POLR3B: variants seen among roughly 807,000 people sequenced by gnomAD.
The protein encoded by POLR3B is DNA-directed RNA polymerase III subunit RPC2.
A neutral mutation model predicts 147.4 loss-of-function variants in POLR3B; 96 were observed. The ratio of observed to expected loss-of-function variants is 0.65; its 90% confidence interval spans 0.55 to 0.77. POLR3B has a LOEUF of 0.77. POLR3B is among the 30% of genes least tolerant of loss of function. POLR3B has a pLI of 0.00. For missense variants in POLR3B, 1,036 were observed against 1,413.5 expected (o/e 0.73, Z 4.28); for synonymous variants, 461 against 485.9 (o/e 0.95, Z 0.67).
chr12:106,493,312 AAC>A (rs2038430469), intron 23 of POLR3B, among the ~76,000 whole-genome samples: 1 of 152,216 alleles, frequency 6.6e-6, no homozygotes, highest in Admixed American at 6.5e-5. Context: ...CCCTGGAGAA[AAC>A]AGTTTTAATC....
chr12:106,480,412 C>T (rs553080218), intron 23 of POLR3B, among the ~76,000 whole-genome samples: 9 of 152,296 alleles, frequency 5.9e-5, no homozygotes, highest in African/African-American at 2.2e-4. Flanking sequence ...TTTCTAACTC[C>T]TGCCTGAAGG....
At chr12:106,476,034 C>T (rs1466800629) in intron 23 of POLR3B, among the ~76,000 whole-genome samples, 1 of 150,772 alleles carries the variant, frequency 6.6e-6, no homozygotes, top group Non-Finnish European at 1.5e-5. Context: ...TTAGCACTTC[C>T]TTGAGGAGCT....
Position 106,509,487 on chromosome 12 carries a change from TTCCAGGAACTAC to T in POLR3B, c.3341_3352del (p.Phe1114_Gln1118delinsTer). On this transcript the variant is annotated stop_gained and inframe_deletion, in exon 28 of 28. Coordinates refer to ENST00000228347, the MANE Select transcript of POLR3B (RefSeq NM_018082.6). LOFTEE classifies it high-confidence loss of function. ...TATTCCGTATGCCTGCAAGCTGCTCTTCCAGGAACTACAGTCTATGAACATCATCCCCAGGTT... is the reference window on the plus strand; with the variant it reads ...TATTCCGTATGCCTGCAAGCTGCTCTAGTCTATGAACATCATCCCCAGGTT... 1 of 1,613,562 alleles carries T rather than the reference TTCCAGGAACTAC, an allele frequency of 6.2e-7. No individual in the cohort carries two copies. The highest frequency in any genetic ancestry group is 8.5e-7 in the Non-Finnish European group (1 of 1,179,496).
At chr12:106,395,797 C>G (rs1461803309) in intron 10 of POLR3B, among the ~76,000 whole-genome samples, 1 of 151,964 alleles carries the variant, frequency 6.6e-6, no homozygotes. Flanking sequence ...TGGTGAAACC[C>G]CGCCTCTACT....
intron 11 of POLR3B, among the ~76,000 whole-genome samples, chr12:106,408,674 T>C (rs1418069044): frequency 2.6e-5 from 4 of 152,176 alleles, no homozygotes; most frequent in Non-Finnish European, 5.9e-5. Flanking sequence ...CTGGGTTCGT[T>C]TGTTAGTCCT....
At chr12:106,469,931 A>C (rs559618911) in intron 23 of POLR3B, among the ~76,000 whole-genome samples, 167 of 152,014 alleles carry the variant, frequency 1.1e-3, no homozygotes, top group Non-Finnish European at 2.1e-3. Flanking sequence ...ACATGTCTCG[A>C]GGTTGCTCTT....
chr12:106,478,605 A>G (rs2038216173), intron 23 of POLR3B, among the ~76,000 whole-genome samples: 1 of 151,970 alleles, frequency 6.6e-6, no homozygotes, highest in Non-Finnish European at 1.5e-5. Context: ...CATCAAATTT[A>G]TGTTAAAGAT....
intron 25 of POLR3B, among the ~76,000 whole-genome samples, chr12:106,498,870 G>GCCA (rs561993209): frequency 2.2e-4 from 34 of 152,342 alleles, no homozygotes; most frequent in African/African-American, 7.9e-4. Flanking sequence ...ACAGGCGTGA[G>GCCA]CCACCACGCC....
chr12:106,446,670 A>G (rs2094346732), intron 19 of POLR3B, among the ~76,000 whole-genome samples: 1 of 152,094 alleles, frequency 6.6e-6, no homozygotes, highest in African/African-American at 2.4e-5. Flanking sequence ...GGTCCTGCAC[A>G]TTTAGCTCCT....
rs77281610 is a variant in POLR3B at position 106,396,337 on chromosome 12, A to G, written c.846+3184A>G. Among the ~76,000 whole-genome samples the G allele has an allele frequency of 7.0e-3, 1,066 of 152,304 alleles. 16 individuals are homozygous for G. The highest frequency in any genetic ancestry group is 0.025 in the African/African-American group (1,025 of 41,556). ...TTCTTCAGTTACTTAGTTACTACTTACTACTAGGTCACTGCAGCAAGTGTT... is the reference window on the plus strand; with the variant it reads ...TTCTTCAGTTACTTAGTTACTACTTGCTACTAGGTCACTGCAGCAAGTGTT... On this transcript the variant is annotated intron_variant, in intron 10 of 27. Coordinates refer to ENST00000228347, the MANE Select transcript of POLR3B (RefSeq NM_018082.6).
At chr12:106,423,541 T>C (rs1194441373) in intron 12 of POLR3B, among the ~76,000 whole-genome samples, 1 of 152,260 alleles carries the variant, frequency 6.6e-6, no homozygotes, top group East Asian at 1.9e-4. Flanking sequence ...ACTCTCAGAC[T>C]GAGGCTGAAT....
chr12:106,422,016 A>G (rs921650766), intron 12 of POLR3B, among the ~76,000 whole-genome samples: 2 of 152,186 alleles, frequency 1.3e-5, no homozygotes, highest in Non-Finnish European at 2.9e-5. Flanking sequence ...ATAGTATTTT[A>G]AAGTGCTACT....
At chr12:106,474,571 A>G (rs1183844933) in intron 23 of POLR3B, among the ~76,000 whole-genome samples, 7 of 145,884 alleles carry the variant, frequency 4.8e-5, no homozygotes, top group South Asian at 2.3e-4. Flanking sequence ...CAGAGATTCA[A>G]CTTCTTCCTG....
At position 106,378,271 on chromosome 12, in the gene POLR3B, C is replaced by T. The variant is rs1422675897; in HGVS notation, c.501C>T (p.Gly167=). ...TTTCTTGTTTCCTTTGGGTAGGTGG[C>T]TACTTCATTGTTAAAGGAGTAGAAA... ...KLNECPLDPG[G]YFIVKGVEKV... The change falls in exon 8 of 28, where the codon GGC becomes GGT. Residue 167 remains glycine (G), a synonymous_variant. Coordinates refer to ENST00000228347, the MANE Select transcript of POLR3B (RefSeq NM_018082.6). The T allele has an allele frequency of 6.3e-7, 1 of 1,595,512 alleles. No individual in the cohort carries two copies. The highest frequency in any genetic ancestry group is 1.7e-5 in the Admixed American group (1 of 59,976).
rs1177471548 is a variant in POLR3B at position 106,509,425 on chromosome 12, A to G, written c.3278A>G (p.His1093Arg). Residue 1093 changes from histidine to arginine, a missense_variant, in exon 28 of 28, where the codon CAT becomes CGT. Coordinates refer to ENST00000228347, the MANE Select transcript of POLR3B (RefSeq NM_018082.6). ...CGLLGYSGWC[H>R]YCKSSCHVSS... Reference sequence around the variant, plus strand: ...CTTGCTGACTTGCGTTTCAGGTGCCATTACTGCAAGTCATCCTGCCACGTG... The same window carrying G: ...CTTGCTGACTTGCGTTTCAGGTGCCGTTACTGCAAGTCATCCTGCCACGTG... 1 of 1,613,752 alleles carries G rather than the reference A, an allele frequency of 6.2e-7. No homozygotes were observed. Among genetic ancestry groups the G allele is most frequent in the Non-Finnish European group, 8.5e-7 (1 of 1,179,748 alleles).
chr12:106,388,551 G>C (rs528091399), intron 9 of POLR3B, among the ~76,000 whole-genome samples: 77 of 152,130 alleles, frequency 5.1e-4, no homozygotes, highest in African/African-American at 1.9e-3. Context: ...CTCCTGACCT[G>C]GTGATCTGCC....
intron 9 of POLR3B, among the ~76,000 whole-genome samples, chr12:106,392,542 G>A (rs780587984): frequency 7.2e-5 from 11 of 152,166 alleles, no homozygotes; most frequent in Non-Finnish European, 1.3e-4. Context: ...GAGGTAAAAC[G>A]TGTTTTAGGA....
At chr12:106,361,140 G>T (rs1209387653) in intron 1 of POLR3B, among the ~76,000 whole-genome samples, 1 of 152,226 alleles carries the variant, frequency 6.6e-6, no homozygotes, top group Non-Finnish European at 1.5e-5. Context: ...TGCACATGAG[G>T]ACATGTACAC....
chr12:106,459,253 G>A lies in POLR3B; in HGVS notation c.2455G>A (p.Glu819Lys). ...TAACACTTTTCTTTTTTTCTCAGGT[G>A]AGAAAGTAGAAAACAAACAAGTGCT... ...LDADGICSPGEKVENKQVLVN... is the reference protein window; with the variant it reads ...LDADGICSPGKKVENKQVLVN... Residue 819 changes from glutamate (E) to lysine (K), a missense_variant and splice_region_variant, in exon 22 of 28, where the codon GAG becomes AAG. Glu to Lys is a moderately conservative substitution (Grantham distance 56, BLOSUM62 1). Around this residue, in one of 12 missense-constraint regions of POLR3B, gnomAD observed 202 missense variants for 272.8 expected, o/e 0.74. Coordinates refer to ENST00000228347, the MANE Select transcript of POLR3B (RefSeq NM_018082.6). 1 of 1,555,264 alleles carries A rather than the reference G, an allele frequency of 6.4e-7. No homozygotes were observed. Among genetic ancestry groups the A allele is most frequent in the Non-Finnish European group, 8.9e-7 (1 of 1,126,638 alleles).
Sources: gnomAD v4.1 joint callset for allele counts (sites outside exome capture counted in the v4.1 genomes callset) on GRCh38, gnomAD v4.1.1 for gene constraint, gnomAD v4.1.1 regional missense constraint, MANE v1.5 for transcripts, NCBI Gene and HGNC (gene_info 2026-07-23, HGNC 2026-07-21) for gene names.